Variants in SERINC1 observed in about 807,000 individuals in gnomAD.
SERINC1 encodes the protein serine incorporator 1.
In SERINC1, 38 loss-of-function variants were observed where a neutral mutation model predicts 52.9. That is an observed-to-expected ratio of 0.72 (90% confidence interval 0.55 to 0.94). The LOEUF is 0.94. Among genes scored for constraint, SERINC1 ranks in the 40% least tolerant of loss-of-function variants. The pLI is 0.00. For synonymous variants in SERINC1, 198 were observed against 183.1 expected, an observed-to-expected ratio of 1.08 and a Z score of -0.66; for missense variants, 471 against 533.9, an observed-to-expected ratio of 0.88 and a Z score of 1.16.
At chr6:122,470,337 G>A (rs755028922) in intron 1 of SERINC1, among the ~76,000 whole-genome samples, 21 of 152,154 alleles carry the variant, frequency 1.4e-4, no homozygotes, top group Non-Finnish European at 2.2e-4. Context: ...TTTTGTAAAA[G>A]GGAAAACATG....
chr6:122,460,544 C>G (rs756720436), intron 1 of SERINC1, among the ~76,000 whole-genome samples: 1 of 152,184 alleles, frequency 6.6e-6, no homozygotes, highest in Non-Finnish European at 1.5e-5. Flanking sequence ...GCACTAGTTG[C>G]ACTTAACGAA....
At chr6:122,445,310 T>G in intron 9 of SERINC1, 131 bp from the exon 10 acceptor site, 2 of 819,302 alleles carry the variant, frequency 2.4e-6, no homozygotes, top group African/African-American at 1.7e-5. Flanking sequence ...CATTGCTGCA[T>G]CTAATCTGCT....
chr6:122,471,804 G>A lies in SERINC1; in HGVS notation c.-67C>T. 6.2e-7 allele frequency: 1 copy of A among 1,611,780 alleles called. No homozygotes were observed. Among genetic ancestry groups the A allele is most frequent in the South Asian group, 1.1e-5 (1 of 91,006 alleles). On this transcript the variant is annotated 5_prime_UTR_variant, in exon 1 of 10. Coordinates refer to ENST00000339697, the MANE Select transcript of SERINC1 (RefSeq NM_020755.4). ...GACAGCTTCTTTCTCGCCTTTCCGA[G>A]ATTATTTACTATCTGCGAGACACTT...
At chr6:122,454,401 G>A in intron 3 of SERINC1, 171 bp from the exon 4 acceptor site, 1 of 539,410 alleles carries the variant, frequency 1.9e-6, no homozygotes, top group Non-Finnish European at 3.3e-6. Context: ...TACAAAACAA[G>A]GTAATCATCA....
chr6:122,458,904 A>G (rs1394177058), intron 1 of SERINC1, among the ~76,000 whole-genome samples: 2 of 152,208 alleles, frequency 1.3e-5, no homozygotes, highest in East Asian at 1.9e-4. Context: ...CTTGGACTCT[A>G]TGCCAAGTAA....
At chr6:122,468,265 T>C (rs922369710) in intron 1 of SERINC1, among the ~76,000 whole-genome samples, 3 of 152,220 alleles carry the variant, frequency 2.0e-5, no homozygotes, top group Non-Finnish European at 4.4e-5. Flanking sequence ...CTTAACCATG[T>C]TGTTATTGCT....
intron 1 of SERINC1, among the ~76,000 whole-genome samples, chr6:122,459,748 G>C (rs1220609620): frequency 6.6e-6 from 1 of 152,048 alleles, no homozygotes; most frequent in Non-Finnish European, 1.5e-5. Context: ...GTTAAAAAAG[G>C]AGACCTCAAA....
Position 122,447,144 on chromosome 6 carries a change from A to T in SERINC1, c.972T>A (p.Phe324Leu), listed in dbSNP as rs775342398. 6.2e-7 allele frequency: 1 copy of T among 1,613,266 alleles called. No individual in the cohort carries two copies. The highest frequency in any genetic ancestry group is 1.1e-5 in the South Asian group (1 of 90,988). The change falls in exon 8 of 10, where the codon TTT becomes TTA. Residue 324 changes from phenylalanine (F) to leucine (L), a missense_variant. Coordinates refer to ENST00000339697, the MANE Select transcript of SERINC1 (RefSeq NM_020755.4). Reference sequence around the variant, plus strand: ...ACCTGGAATAAAATACACACAACAAAAAGAGAATTAGTCCTATAATTCCTT... The same window carrying T: ...ACCTGGAATAAAATACACACAACAATAAGAGAATTAGTCCTATAATTCCTT... ...HAQGIIGLIL[F>L]LLCVFYSSIR...
At chr6:122,452,116 A>G in intron 5 of SERINC1, 59 bp from the exon 6 acceptor site, 1 of 1,114,742 alleles carries the variant, frequency 9.0e-7, no homozygotes. Flanking sequence ...AGCAATTAGA[A>G]ATGGGACCTG....
Position 122,452,178 on chromosome 6 carries a change from A to AT in SERINC1, c.590-122dup, listed in dbSNP as rs1004036828. ...AAAAAATATATTTTAAGCAACTAACATTGTCAGCATTATAAAGGCTATAAA... is the reference window on the plus strand; with the variant it reads ...AAAAAATATATTTTAAGCAACTAACATTTGTCAGCATTATAAAGGCTATAAA... On this transcript the variant is annotated intron_variant, in intron 5 of 9. Coordinates refer to ENST00000339697, the MANE Select transcript of SERINC1 (RefSeq NM_020755.4). 8.9e-6 allele frequency: 5 copies of AT among 562,750 alleles called. No homozygotes were observed. The African/African-American group carries it at 9.8e-5, about 11-fold the overall frequency. 34.9% of individuals were successfully genotyped at this position (562,750 alleles called of 1,614,324 possible). A position where few individuals can be genotyped will look rare whatever the true frequency, so the allele number is the denominator to read the frequency against.
At chr6:122,451,776 A>AAAAAAAACATATATATATATATATAT in intron 6 of SERINC1, 22 bp from the exon 7 acceptor site, 1 of 95,480 alleles carries the variant, frequency 1.0e-5, no homozygotes, top group African/African-American at 7.7e-5. Context: ...AAAAAAAAAA[A>AAAAAAAACATATATATATATATATAT]ATATATATAT....
At chr6:122,445,847 GCACTC>G (rs1774784948) in intron 9 of SERINC1, among the ~76,000 whole-genome samples, 1 of 128,956 alleles carries the variant, frequency 7.8e-6, no homozygotes, top group East Asian at 2.3e-4. Context: ...TCAAGCCACT[GCACTC>G]CAGCCTGGGT....
intron 7 of SERINC1, among the ~76,000 whole-genome samples, chr6:122,450,008 C>T (rs2114476532): frequency 6.6e-6 from 1 of 152,066 alleles, no homozygotes; most frequent in Admixed American, 6.5e-5. Flanking sequence ...GAGTGAAACT[C>T]CATCTCAAAA....
rs1340786045 is a variant in SERINC1 at position 122,456,646 on chromosome 6, G to A, written c.206C>T (p.Pro69Leu). ...PGMEEQLNKI[P>L]GFCENEKGVV... ...ACCTTTCTCATTCTCACAAAATCCAGGAATCTAGAAAAACAAAAGAGTTTA... is the reference window on the plus strand; with the variant it reads ...ACCTTTCTCATTCTCACAAAATCCAAGAATCTAGAAAAACAAAAGAGTTTA... Residue 69 changes from proline (P) to leucine (L), a missense_variant, in exon 3 of 10, where the codon CCT becomes CTT. Physicochemically the swap from Pro to Leu is moderately conservative, Grantham distance 98 (BLOSUM62 -3). Coordinates refer to ENST00000339697, the MANE Select transcript of SERINC1 (RefSeq NM_020755.4). 1.3e-6 allele frequency: 2 copies of A among 1,569,364 alleles called. No individual in the cohort carries two copies. The highest frequency in any genetic ancestry group is 1.7e-6 in the Non-Finnish European group (2 of 1,163,858).
intron 1 of SERINC1, among the ~76,000 whole-genome samples, chr6:122,467,531 G>T (rs547133003): frequency 6.6e-6 from 1 of 152,064 alleles, no homozygotes; most frequent in Admixed American, 6.6e-5. Flanking sequence ...ACTTGAACCC[G>T]GAAGGTTCAA....
At chr6:122,454,670 G>A (rs1206914088) in intron 3 of SERINC1, 1 of 156,326 alleles carries the variant, frequency 6.4e-6, no homozygotes, top group African/African-American at 2.4e-5. Context: ...TTGATTCCAG[G>A]GGACCCAAAA....
chr6:122,461,554 T>C (rs953516938), intron 1 of SERINC1, among the ~76,000 whole-genome samples: 1 of 151,500 alleles, frequency 6.6e-6, no homozygotes, highest in Non-Finnish European at 1.5e-5. Context: ...ATATACCTAA[T>C]GCTAGATGAC....
intron 1 of SERINC1, among the ~76,000 whole-genome samples, chr6:122,459,597 A>C (rs1775064770): frequency 6.6e-6 from 1 of 152,232 alleles, no homozygotes. Flanking sequence ...AGTTAAACAT[A>C]AACATCTCCC....
At chr6:122,461,720 G>C (rs933657275) in intron 1 of SERINC1, among the ~76,000 whole-genome samples, 1 of 149,268 alleles carries the variant, frequency 6.7e-6, no homozygotes, top group African/African-American at 2.5e-5. Context: ...GCAAAATAAA[G>C]ACATTTTCAG....
Sources: allele counts gnomAD v4.1 joint callset (sites outside exome capture counted in the v4.1 genomes callset), GRCh38; gene constraint gnomAD v4.1.1; transcripts MANE v1.5; gene names NCBI Gene and HGNC (gene_info 2026-07-23, HGNC 2026-07-21).